The following XKR3 variants were observed in gnomAD, a reference collection of about 807,000 sequenced individuals.
XKR3 encodes the protein XK-related protein 3.
Under a neutral mutation model 40.3 loss-of-function variants are expected in XKR3, and 27 were observed. That is an observed-to-expected ratio of 0.67 (90% CI 0.49 to 0.92). XKR3 has a LOEUF of 0.92. Ranked by LOEUF, XKR3 falls within the 40% of genes least tolerant of loss-of-function variation. The probability of loss-of-function intolerance (pLI) is 0.00; values close to 1 mark genes in which losing one functional copy is unlikely to be tolerated. For synonymous variants in XKR3, 193 were observed against 195.4 expected (o/e 0.99, Z 0.10); for missense variants, 472 against 537.6 (o/e 0.88, Z 1.21).
intron 1 of XKR3, among the ~76,000 whole-genome samples, chr22:16,810,558 T>C (rs1233363364): frequency 1.3e-5 from 2 of 152,180 alleles, no homozygotes; most frequent in Non-Finnish European, 2.9e-5. Flanking sequence ...TTACCTCTTA[T>C]ATTATGTGAG....
chr22:16,825,173 C>T (rs764915836), intron 1 of XKR3, among the ~76,000 whole-genome samples, 118 bp downstream of exon 1: 4 of 152,098 alleles, frequency 2.6e-5, no homozygotes, highest in South Asian at 2.1e-4. Context: ...GCTCAAGACT[C>T]GGGAAAAGCC....
intron 1 of XKR3, among the ~76,000 whole-genome samples, chr22:16,824,763 T>C (rs1046421786): frequency 3.3e-5 from 5 of 152,202 alleles, no homozygotes; most frequent in African/African-American, 1.2e-4. Flanking sequence ...TCCTTTGGAC[T>C]CACAGAAGGA....
chr22:16,817,644 A>C (rs1257754610), intron 1 of XKR3, among the ~76,000 whole-genome samples: 1 of 152,126 alleles, frequency 6.6e-6, no homozygotes, highest in Non-Finnish European at 1.5e-5. Context: ...ATATATCCAC[A>C]TTTACTCCTC....
chr22:16,813,575 T>C (rs2060221785), intron 1 of XKR3, among the ~76,000 whole-genome samples: 1 of 152,214 alleles, frequency 6.6e-6, no homozygotes, highest in Non-Finnish European at 1.5e-5. Context: ...TGAGTGAATG[T>C]ATGATGCAAA....
intron 2 of XKR3, among the ~76,000 whole-genome samples, chr22:16,806,390 C>T (rs1324315782): frequency 2.7e-5 from 4 of 150,628 alleles, no homozygotes; most frequent in African/African-American, 9.8e-5. Context: ...TTTAAATTTA[C>T]ATGTTTATAT....
intron 1 of XKR3, chr22:16,821,620 G>A (rs191039331): frequency 1.1e-4 from 16 of 151,538 alleles, no homozygotes; most frequent in South Asian, 2.1e-4. Flanking sequence ...ATTTTTTCTC[G>A]CTTCCTTGAT....
At chr22:16,794,983 C>T (rs1178342264) in intron 3 of XKR3, among the ~76,000 whole-genome samples, 3 of 152,114 alleles carry the variant, frequency 2.0e-5, no homozygotes, top group African/African-American at 4.8e-5. Flanking sequence ...AATGGAGCAC[C>T]GATTTGTAGA....
chr22:16,783,893 G>A lies in XKR3; in HGVS notation c.1106C>T (p.Thr369Ile). ...ILVFRFFGGK[T>I]LLNCCDSLIA... ...TAATGAGTCACAACAATTCAGCAAA[G>A]TTTTCCCTCCAAAGAACCTAAATAC... Residue 369 changes from threonine to isoleucine, a missense_variant, in exon 4 of 4, where the codon ACT (threonine) becomes ATT (isoleucine). Physicochemically the swap from Thr to Ile is moderately conservative, Grantham distance 89. Transcript: ENST00000684488. 1 of 1,614,162 alleles carries A rather than the reference G, an allele frequency of 6.2e-7. No homozygotes were observed. The highest frequency in any genetic ancestry group is 8.5e-7 in the Non-Finnish European group (1 of 1,180,024).
intron 1 of XKR3, among the ~76,000 whole-genome samples, chr22:16,816,556 A>G (rs1235416844): frequency 6.6e-6 from 1 of 151,620 alleles, no homozygotes; most frequent in African/African-American, 2.4e-5. Flanking sequence ...TTTAATTTTG[A>G]TATTTGTTTT....
chr22:16,809,506 ACTT>A (rs1168521759), intron 1 of XKR3, among the ~76,000 whole-genome samples: 1 of 151,956 alleles, frequency 6.6e-6, no homozygotes, highest in African/African-American at 2.4e-5. Context: ...CCTTTCCATC[ACTT>A]CTTATTATTT....
At chr22:16,821,536 C>G (rs1338260328) in intron 1 of XKR3, 1 of 150,888 alleles carries the variant, frequency 6.6e-6, no homozygotes, top group East Asian at 1.9e-4. Flanking sequence ...TTTTTTTTTT[C>G]ATTTGTTGAA....
In XKR3 at chr22:16,799,866, T is replaced by C; in HGVS notation, c.494A>G (p.Tyr165Cys). The change falls in exon 3 of 4, where the codon TAC (tyrosine) becomes TGC (cysteine). Residue 165 changes from tyrosine (Y) to cysteine (C), a missense_variant. Transcript: ENST00000684488. ...GAGAAAAGCCTGAATCACTGACATG[T>C]ACTTGAAAGCCTTCTGCTGCATGAA... is the stretch of plus-strand genomic sequence containing the variant. ...DNFMQQKAFK[Y>C]MSVIQAFLGS... 1 of 1,614,122 alleles carries C rather than the reference T, an allele frequency of 6.2e-7. No homozygotes were observed. The highest frequency in any genetic ancestry group is 8.5e-7 in the Non-Finnish European group (1 of 1,180,016).
At chr22:16,805,858 G>T (rs2060187262) in intron 2 of XKR3, among the ~76,000 whole-genome samples, 1 of 152,124 alleles carries the variant, frequency 6.6e-6, no homozygotes, top group Admixed American at 6.6e-5. Context: ...AAATCACAAT[G>T]AAATTTTATT....
At chr22:16,796,562 TC>T (rs1367907146) in intron 3 of XKR3, among the ~76,000 whole-genome samples, 1 of 152,044 alleles carries the variant, frequency 6.6e-6, no homozygotes, top group African/African-American at 2.4e-5. Context: ...CATGTCCAAA[TC>T]AATAAATGTG....
intron 1 of XKR3, among the ~76,000 whole-genome samples, chr22:16,811,256 G>A (rs2060211434): frequency 6.6e-6 from 1 of 151,776 alleles, no homozygotes; most frequent in Non-Finnish European, 1.5e-5. Flanking sequence ...TCAGTAGCTG[G>A]GACCACAGGT....
chr22:16,803,867 G>C (rs1336165607), intron 2 of XKR3, among the ~76,000 whole-genome samples: 1 of 152,154 alleles, frequency 6.6e-6, no homozygotes. Context: ...TCTCTCTATG[G>C]AGTAGCCATT....
rs1046083860 is a variant in XKR3, at chr22:16,799,940, C to T, written c.420G>A (p.Lys140=). 27 of 1,614,012 alleles carry T rather than the reference C, an allele frequency of 1.7e-5. No homozygotes were observed. The highest frequency in any genetic ancestry group is 2.2e-5 in the East Asian group (1 of 44,886). Residue 140 remains lysine, a synonymous_variant, in exon 3 of 4, where the codon AAG becomes AAA. Coordinates refer to ENST00000684488, the MANE Select transcript of XKR3 (RefSeq NM_001386955.1). ...EKEETQVSIT[K]RNTMLEREIA... is the part of the protein sequence containing the mutation. Reference sequence around the variant, plus strand: ...TCTCCCTTTCCAGCATCGTGTTTCTCTTTGTGATGCTAACTTGAGTCTCTT... The same window carrying T: ...TCTCCCTTTCCAGCATCGTGTTTCTTTTTGTGATGCTAACTTGAGTCTCTT...
At chr22:16,799,001 C>T (rs1189218712) in intron 3 of XKR3, among the ~76,000 whole-genome samples, 1 of 152,284 alleles carries the variant, frequency 6.6e-6, no homozygotes, top group East Asian at 1.9e-4. Context: ...CATATACTCC[C>T]TGTATCTAAG....
In XKR3 at chr22:16,797,888, A is replaced by G. The variant is rs577134244; in HGVS notation, c.589+1883T>C. On this transcript the variant is annotated intron_variant, in intron 3 of 3. Coordinates refer to ENST00000684488, the MANE Select transcript of XKR3 (RefSeq NM_001386955.1). Reference sequence around the variant, plus strand: ...ACAAGCATATGAAAAACTGCTCAGCATAAGTCCATGTGCAGTGGCTCACCC... The same window carrying G: ...ACAAGCATATGAAAAACTGCTCAGCGTAAGTCCATGTGCAGTGGCTCACCC... 1.4e-3 allele frequency among the ~76,000 whole-genome samples: 212 copies of G among 151,812 alleles called. 1 individual carries two copies. Among genetic ancestry groups the G allele is most frequent in the African/African-American group, 4.6e-3 (192 of 41,410 alleles).
Sources: gnomAD v4.1 joint callset for allele counts (sites outside exome capture counted in the v4.1 genomes callset) on GRCh38, gnomAD v4.1.1 for gene constraint, MANE v1.5 for transcripts, NCBI Gene and HGNC (gene_info 2026-07-23, HGNC 2026-07-21) for gene names.